The following ENTREP1 variants were observed in gnomAD, a reference collection of about 807,000 sequenced individuals.
The protein encoded by ENTREP1 is Friedreich ataxia region gene X123.
the ENTREP1 span, among the ~76,000 whole-genome samples, chr9:69,346,105 C>T: frequency 6.6e-6 from 1 of 151,798 alleles, no homozygotes; most frequent in South Asian, 2.1e-4. Context: ...GTCTCAGCTT[C>T]CCGGGTAGCT....
the ENTREP1 span, chr9:69,386,409 A>G: frequency 1.3e-5 from 2 of 150,574 alleles, no homozygotes; most frequent in Admixed American, 6.6e-5. Flanking sequence ...CTTTGGATAG[A>G]ATGAAGTACA....
At chr9:69,380,254 A>G in the ENTREP1 span, 1 of 152,252 alleles carries the variant, frequency 6.6e-6, no homozygotes, top group African/African-American at 2.4e-5. Context: ...ATTCACATTT[A>G]GATACATGTC....
the ENTREP1 span, among the ~76,000 whole-genome samples, chr9:69,378,865 C>T: frequency 2.0e-5 from 3 of 152,134 alleles, no homozygotes; most frequent in African/African-American, 4.8e-5. Context: ...TCCTCCTCTA[C>T]CATTAAGGAG....
chr9:69,332,341 G>A, the ENTREP1 span, among the ~76,000 whole-genome samples: 1 of 152,232 alleles, frequency 6.6e-6, no homozygotes, highest in African/African-American at 2.4e-5. Context: ...ACATTGTAAA[G>A]AGCGGTGGCT....
chr9:69,381,929 T>A, the ENTREP1 span: 1 of 152,382 alleles, frequency 6.6e-6, no homozygotes, highest in Admixed American at 6.5e-5. Flanking sequence ...TACAATAGTT[T>A]AGGATCTAAA....
chr9:69,363,302 C>T, the ENTREP1 span, among the ~76,000 whole-genome samples: 2 of 152,180 alleles, frequency 1.3e-5, no homozygotes, highest in South Asian at 2.1e-4. Context: ...GGAGCAGTAA[C>T]CCATAGTGTT....
the ENTREP1 span, among the ~76,000 whole-genome samples, chr9:69,360,111 A>G: frequency 6.6e-6 from 1 of 152,198 alleles, no homozygotes; most frequent in African/African-American, 2.4e-5. Context: ...TGGAAATTAA[A>G]CACACATTTA....
chr9:69,390,601 G>T, the ENTREP1 span, among the ~76,000 whole-genome samples: 1 of 152,084 alleles, frequency 6.6e-6, no homozygotes, highest in African/African-American at 2.4e-5. Flanking sequence ...TTTATTAAAG[G>T]ATTATCAGAT....
the ENTREP1 span, chr9:69,383,610 C>T: frequency 4.1e-5 from 66 of 1,613,712 alleles, 1 homozygote; most frequent in African/African-American, 2.3e-4. Flanking sequence ...TGCTTTCTGA[C>T]GCCAAGTCGC....
chr9:69,388,330 G>T, the ENTREP1 span: 2 of 1,614,218 alleles, frequency 1.2e-6, no homozygotes, highest in Admixed American at 3.3e-5. Flanking sequence ...GGTTCCTGGA[G>T]CAGTCCTCTT....
At chr9:69,385,763 C>A in the ENTREP1 span, 1 of 1,243,190 alleles carries the variant, frequency 8.0e-7, no homozygotes, top group African/African-American at 1.9e-5. Context: ...TGTTTCGCCT[C>A]TTTTTTTTTT....
chr9:69,367,933 G>T, the ENTREP1 span, among the ~76,000 whole-genome samples: 13 of 141,312 alleles, frequency 9.2e-5, 1 homozygote, highest in South Asian at 2.9e-3. Flanking sequence ...ATATATACAC[G>T]TACATATATG....
the ENTREP1 span, among the ~76,000 whole-genome samples, chr9:69,366,384 G>GTTTTTTTTTTTTTT: frequency 1.6e-5 from 2 of 122,992 alleles, no homozygotes; most frequent in Non-Finnish European, 1.7e-5. Context: ...TTCCAACTGG[G>GTTTTTTTTTTTTTT]GTTTTTTTTT....
chr9:69,331,243 A>G, the ENTREP1 span, among the ~76,000 whole-genome samples: 1 of 152,232 alleles, frequency 6.6e-6, no homozygotes, highest in African/African-American at 2.4e-5. Context: ...GTTTACATAC[A>G]GCAGCTTTTG....
At chr9:69,351,269 G>C in the ENTREP1 span, among the ~76,000 whole-genome samples, 3 of 152,128 alleles carry the variant, frequency 2.0e-5, no homozygotes, top group Non-Finnish European at 4.4e-5. Flanking sequence ...GTCTTCTGAA[G>C]TTACATGAAG....
the ENTREP1 span, among the ~76,000 whole-genome samples, chr9:69,354,213 A>T: frequency 6.7e-6 from 1 of 150,326 alleles, no homozygotes; most frequent in Non-Finnish European, 1.5e-5. Context: ...AGTTTCTTTT[A>T]ATCAGTAAGT....
the ENTREP1 span, among the ~76,000 whole-genome samples, chr9:69,344,717 C>T: frequency 1.3e-5 from 2 of 152,168 alleles, no homozygotes; most frequent in South Asian, 2.1e-4. Context: ...GCTGTGGATG[C>T]ACTGTAGCCC....
chr9:69,391,956 A>G, the ENTREP1 span: 1 of 722,178 alleles, frequency 1.4e-6, no homozygotes, highest in South Asian at 1.8e-5. Context: ...GACTGAGGGC[A>G]TTCAGGAGTA....
chr9:69,387,605 A>G, the ENTREP1 span: 8 of 215,020 alleles, frequency 3.7e-5, no homozygotes, highest in East Asian at 9.9e-4. Context: ...GGTAATAGCT[A>G]TAGATCTACC....
Sources: gnomAD v4.1 joint callset for allele counts (sites outside exome capture counted in the v4.1 genomes callset) on GRCh38, gnomAD v4.1.1 for gene constraint, MANE v1.5 for transcripts, NCBI Gene and HGNC (gene_info 2026-07-23, HGNC 2026-07-21) for gene names.